The following PARD3 variants were observed in gnomAD, a reference collection of about 807,000 sequenced individuals.
The protein encoded by PARD3 is partitioning defective 3 homolog.
Under a neutral mutation model 155.4 loss-of-function variants are expected in PARD3, and 75 were observed. The observed-to-expected ratio is 0.48, with a 90% confidence interval of 0.40 to 0.58. The LOEUF is 0.58. PARD3 is among the 20% of genes least tolerant of loss of function. PARD3 has a pLI of 0.00. For synonymous variants in PARD3, 576 were observed against 610.5 expected (o/e 0.94, Z 0.83); for missense variants, 1,642 against 1,721.7 (o/e 0.95, Z 0.82).
intron 2 of PARD3, among the ~76,000 whole-genome samples, chr10:34,639,906 C>G (rs992363591): frequency 6.6e-6 from 1 of 152,042 alleles, no homozygotes; most frequent in Non-Finnish European, 1.5e-5. Flanking sequence ...GCAGATACCT[C>G]GCAGAGTGTT....
chr10:34,644,441 GGT>G (rs1181491846), intron 2 of PARD3, among the ~76,000 whole-genome samples: 1 of 152,246 alleles, frequency 6.6e-6, no homozygotes, highest in Non-Finnish European at 1.5e-5. Flanking sequence ...CTTATTCTCT[GGT>G]GCCACAGCAT....
chr10:34,364,657 C>T (rs1839795370), intron 12 of PARD3, among the ~76,000 whole-genome samples: 1 of 152,154 alleles, frequency 6.6e-6, no homozygotes, highest in Non-Finnish European at 1.5e-5. Flanking sequence ...TGGTCTCAAA[C>T]TCCTGGGCTC....
At chr10:34,570,026 G>C (rs2134142996) in intron 2 of PARD3, among the ~76,000 whole-genome samples, 1 of 152,104 alleles carries the variant, frequency 6.6e-6, no homozygotes, top group Non-Finnish European at 1.5e-5. Flanking sequence ...CAAATATTAG[G>C]CTCAGACAAA....
At chr10:34,373,974 A>G (rs1337922265) in intron 11 of PARD3, among the ~76,000 whole-genome samples, 1 of 152,176 alleles carries the variant, frequency 6.6e-6, no homozygotes, top group Non-Finnish European at 1.5e-5. Flanking sequence ...GTCACTCTAG[A>G]TTATACAAAT....
intron 3 of PARD3, among the ~76,000 whole-genome samples, chr10:34,512,319 G>C (rs1225354792): frequency 6.6e-6 from 1 of 152,152 alleles, no homozygotes; most frequent in East Asian, 1.9e-4. Context: ...CCTTCTCCTT[G>C]CTTGCTGGCT....
intron 2 of PARD3, among the ~76,000 whole-genome samples, chr10:34,644,753 G>A (rs1022684481): frequency 6.6e-6 from 1 of 152,100 alleles, no homozygotes; most frequent in Non-Finnish European, 1.5e-5. Context: ...AGGTCTGCTA[G>A]GACAAGAGCA....
intron 1 of PARD3, among the ~76,000 whole-genome samples, chr10:34,795,609 CA>C (rs199910917): frequency 1.3e-5 from 2 of 148,554 alleles, no homozygotes; most frequent in Admixed American, 1.3e-4. Flanking sequence ...GACCCTGTCT[CA>C]AAAAAAAACC....
At chr10:34,356,918 A>G (rs1370808952) in intron 14 of PARD3, among the ~76,000 whole-genome samples, 5 of 152,252 alleles carry the variant, frequency 3.3e-5, no homozygotes, top group Admixed American at 1.3e-4. Context: ...GTCCTAAGAA[A>G]TAGTAATAAC....
intron 22 of PARD3, among the ~76,000 whole-genome samples, chr10:34,134,500 A>G (rs1947788222): frequency 6.6e-6 from 1 of 152,222 alleles, no homozygotes; most frequent in South Asian, 2.1e-4. Flanking sequence ...TGTTTTCCCG[A>G]CAAAGGGAGT....
At chr10:34,264,553 G>GAA (rs756027103) in intron 22 of PARD3, among the ~76,000 whole-genome samples, 81 of 152,182 alleles carry the variant, frequency 5.3e-4, no homozygotes, top group Admixed American at 1.1e-3. Flanking sequence ...TACAACTTTA[G>GAA]AATCAGGGAA....
intron 2 of PARD3, among the ~76,000 whole-genome samples, chr10:34,522,197 C>T (rs561404001): frequency 2.0e-5 from 3 of 152,292 alleles, no homozygotes; most frequent in Admixed American, 6.5e-5. Context: ...CGCCTGGCTG[C>T]GGCCAGAGAG....
In PARD3 at chr10:34,372,500, T is replaced by C; in HGVS notation, c.1705A>G (p.Thr569Ala). 3 of 1,609,242 alleles carry C rather than the reference T, an allele frequency of 1.9e-6. No homozygotes were observed. The South Asian group carries it at 3.3e-5, about 18-fold the overall frequency. ...EPSQMQIPKE[T>A]KAEDEDIVLT... ...CCTTCAAAAGACAAAGCTCTTACCG[T>C]TTCTTTTGGAATCTGCATCTGGCTT... is the stretch of plus-strand genomic sequence containing the variant. Residue 569 changes from threonine to alanine, a missense_variant and splice_region_variant, in exon 12 of 25, where the codon ACG (threonine) becomes GCG (alanine). This residue lies in a region of PARD3 where 1,529 missense variants were observed against 1,587.3 expected (regional missense o/e 0.96). Transcript: ENST00000374788.
chr10:34,301,818 C>CTTTTTT (rs5784408), intron 20 of PARD3, among the ~76,000 whole-genome samples: 8 of 125,816 alleles, frequency 6.4e-5, no homozygotes, highest in East Asian at 2.4e-4. Context: ...TTTCTCCTTT[C>CTTTTTT]TTTTTTTTTT....
chr10:34,531,713 A>G (rs1310539115), intron 2 of PARD3, among the ~76,000 whole-genome samples: 1 of 152,120 alleles, frequency 6.6e-6, no homozygotes, highest in Non-Finnish European at 1.5e-5. Context: ...ACTTCAATCT[A>G]TGGTACATAT....
At chr10:34,321,473 T>C (rs1299127470) in intron 19 of PARD3, among the ~76,000 whole-genome samples, 1 of 152,224 alleles carries the variant, frequency 6.6e-6, no homozygotes, top group East Asian at 1.9e-4. Context: ...ATTATCTCCT[T>C]CCAAACAAAT....
intron 1 of PARD3, among the ~76,000 whole-genome samples, chr10:34,767,888 C>T (rs1303462208): frequency 6.6e-6 from 1 of 151,666 alleles, no homozygotes; most frequent in Non-Finnish European, 1.5e-5. Flanking sequence ...TGTGACACTG[C>T]ACCCCAGCCT....
chr10:34,552,496 TCAGGAGTTCCAGAC>T (rs2084663320), intron 2 of PARD3, among the ~76,000 whole-genome samples: 1 of 152,122 alleles, frequency 6.6e-6, no homozygotes, highest in Non-Finnish European at 1.5e-5. Context: ...TCACCTGAGG[TCAGGAGTTCCAGAC>T]CAGCCTGGTC....
intron 3 of PARD3, among the ~76,000 whole-genome samples, chr10:34,477,779 T>A (rs1172919527): frequency 6.6e-6 from 1 of 152,224 alleles, no homozygotes; most frequent in East Asian, 1.9e-4. Flanking sequence ...AGGTATTTAA[T>A]CGAATCTAAA....
At chr10:34,634,034 C>T (rs1204959306) in intron 2 of PARD3, among the ~76,000 whole-genome samples, 1 of 152,176 alleles carries the variant, frequency 6.6e-6, no homozygotes, top group Non-Finnish European at 1.5e-5. Flanking sequence ...CTGTCCCTTT[C>T]TTATTCAAAA....
Sources: gnomAD v4.1 joint callset for allele counts (sites outside exome capture counted in the v4.1 genomes callset) on GRCh38, gnomAD v4.1.1 for gene constraint, gnomAD v4.1.1 regional missense constraint, MANE v1.5 for transcripts, NCBI Gene and HGNC (gene_info 2026-07-23, HGNC 2026-07-21) for gene names.